Variants in NRDC observed in about 807,000 individuals in gnomAD.
NRDC encodes nardilysin.
Under a neutral mutation model 147.1 loss-of-function variants are expected in NRDC, and 54 were observed. The observed-to-expected ratio is 0.37, with a 90% CI of 0.29 to 0.46. The LOEUF (loss-of-function observed/expected upper bound fraction) is 0.46, where lower values mean the gene tolerates loss of function less well. Among genes scored for constraint, NRDC ranks in the 20% least tolerant of loss-of-function variants. The pLI is 1.00. For missense variants in NRDC, 1,082 were observed against 1,370.6 expected, an observed-to-expected ratio of 0.79 and a Z score of 3.33; for synonymous variants, 440 against 482.1, an observed-to-expected ratio of 0.91 and a Z score of 1.14.
intron 1 of NRDC, among the ~76,000 whole-genome samples, chr1:51,853,403 A>G (rs571410842): frequency 6.6e-6 from 1 of 152,078 alleles, no homozygotes; most frequent in African/African-American, 2.4e-5. Flanking sequence ...CTCTCTAAAC[A>G]TGTCAGAAAT....
intron 15 of NRDC, among the ~76,000 whole-genome samples, chr1:51,811,483 A>G (rs1455581069): frequency 6.6e-6 from 1 of 152,238 alleles, no homozygotes; most frequent in South Asian, 2.1e-4. Flanking sequence ...GCTAGCCTGT[A>G]TGAAACAAAA....
intron 1 of NRDC, among the ~76,000 whole-genome samples, chr1:51,856,752 GAGGAGGGTCTTATAACTCCCA>G (rs1332121564): frequency 6.6e-6 from 1 of 152,062 alleles, no homozygotes; most frequent in African/African-American, 2.4e-5. Flanking sequence ...GACGCCCTCT[GAGGAGGGTCTTATAACTCCCA>G]ATCAGAAAGG....
chr1:51,824,951 C>T (rs1005649173), intron 6 of NRDC, among the ~76,000 whole-genome samples: 24 of 152,160 alleles, frequency 1.6e-4, no homozygotes, highest in African/African-American at 5.6e-4. Context: ...CCACGCCTGG[C>T]CTAAACCTGT....
At chr1:51,846,743 T>C (rs190149143) in intron 1 of NRDC, among the ~76,000 whole-genome samples, 1 of 152,238 alleles carries the variant, frequency 6.6e-6, no homozygotes, top group Non-Finnish European at 1.5e-5. Context: ...AAGTGGGTTA[T>C]CACCCCAGGA....
intron 1 of NRDC, among the ~76,000 whole-genome samples, chr1:51,873,358 C>T (rs1489583333): frequency 6.6e-6 from 1 of 152,124 alleles, no homozygotes; most frequent in Non-Finnish European, 1.5e-5. Flanking sequence ...CTGTTCCACT[C>T]ACTGGAATTG....
intron 1 of NRDC, among the ~76,000 whole-genome samples, chr1:51,868,679 G>A (rs1273842366): frequency 6.6e-6 from 1 of 151,926 alleles, no homozygotes; most frequent in African/African-American, 2.4e-5. Flanking sequence ...CCAGGAATTC[G>A]AGACCAGGCT....
chr1:51,802,708 G>T (rs1202946603), intron 20 of NRDC, among the ~76,000 whole-genome samples: 2 of 152,138 alleles, frequency 1.3e-5, no homozygotes, highest in Non-Finnish European at 2.9e-5. Context: ...GATGGAGAAG[G>T]GAAAAGGCAT....
intron 22 of NRDC, 200 bp from the exon 23 acceptor site, chr1:51,795,054 T>TA: frequency 6.8e-7 from 1 of 1,466,464 alleles, no homozygotes; most frequent in Non-Finnish European, 9.1e-7. Context: ...AAGCAGCTCT[T>TA]AACTGTTCTG....
At chr1:51,823,056 A>G (rs982179071) in intron 7 of NRDC, among the ~76,000 whole-genome samples, 1 of 152,244 alleles carries the variant, frequency 6.6e-6, no homozygotes, top group African/African-American at 2.4e-5. Flanking sequence ...AAAGAAAACA[A>G]AAGAAAGCTT....
In NRDC at chr1:51,861,822, G is replaced by A. The variant is rs982910537; in HGVS notation, c.341+16453C>T. On this transcript the variant is annotated intron_variant, in intron 1 of 30. Transcript: ENST00000352171. Reference sequence around the variant, plus strand: ...CAAACATTGGTCATAAACCATTTTCGCATTTAGAACATTCGCCACACACAC... The same window carrying A: ...CAAACATTGGTCATAAACCATTTTCACATTTAGAACATTCGCCACACACAC... Among the ~76,000 whole-genome samples the A allele has an allele frequency of 5.3e-5, 8 of 152,178 alleles. No homozygotes were observed. In the South Asian group the frequency reaches 8.3e-4, roughly 16 times the overall value.
At chr1:51,818,814 A>G (rs1047471852) in intron 9 of NRDC, among the ~76,000 whole-genome samples, 3 of 152,184 alleles carry the variant, frequency 2.0e-5, no homozygotes, top group Non-Finnish European at 4.4e-5. Flanking sequence ...TAGAATAAAG[A>G]GAGATGGTGA....
intron 1 of NRDC, among the ~76,000 whole-genome samples, chr1:51,859,119 GC>G (rs1682405487): frequency 6.6e-6 from 1 of 152,160 alleles, no homozygotes; most frequent in African/African-American, 2.4e-5. Context: ...ATTTAAGGTT[GC>G]CTAGCTAACA....
chr1:51,851,742 T>C (rs1260976201), intron 1 of NRDC, among the ~76,000 whole-genome samples: 3 of 152,134 alleles, frequency 2.0e-5, no homozygotes, highest in Admixed American at 2.0e-4. Flanking sequence ...GGACACTTAA[T>C]AGTGTCATGA....
intron 1 of NRDC, among the ~76,000 whole-genome samples, chr1:51,866,868 T>C (rs1035745914): frequency 2.0e-5 from 3 of 152,084 alleles, no homozygotes; most frequent in Non-Finnish European, 4.4e-5. Context: ...TGGTTAACAC[T>C]GAAAAAAGAA....
chr1:51,855,938 T>C (rs745724332), intron 1 of NRDC, among the ~76,000 whole-genome samples: 1 of 151,754 alleles, frequency 6.6e-6, no homozygotes, highest in Non-Finnish European at 1.5e-5. Flanking sequence ...AGATGTCAAA[T>C]AAAATGATGC....
intron 24 of NRDC, among the ~76,000 whole-genome samples, chr1:51,792,888 C>G (rs1403004506): frequency 6.6e-6 from 1 of 152,224 alleles, no homozygotes; most frequent in Non-Finnish European, 1.5e-5. Flanking sequence ...AAAAATACTT[C>G]AGAGAAAGAA....
intron 1 of NRDC, among the ~76,000 whole-genome samples, chr1:51,858,123 T>C (rs967799030): frequency 5.3e-5 from 8 of 152,182 alleles, no homozygotes; most frequent in Non-Finnish European, 7.3e-5. Flanking sequence ...AGGATGCCTA[T>C]TGATGTGCAG....
chr1:51,826,009 T>C (rs1680428735), intron 5 of NRDC, among the ~76,000 whole-genome samples: 1 of 152,228 alleles, frequency 6.6e-6, no homozygotes, highest in African/African-American at 2.4e-5. Flanking sequence ...TTGCCCCTTC[T>C]GCTGTATGAG....
intron 24 of NRDC, 31 bp downstream of exon 24, chr1:51,794,441 C>T: frequency 6.2e-7 from 1 of 1,608,788 alleles, no homozygotes; most frequent in South Asian, 1.1e-5. Context: ...GGCACTGGGC[C>T]TTCCGCCAGT....
Sources: allele counts gnomAD v4.1 joint callset (sites outside exome capture counted in the v4.1 genomes callset), GRCh38; gene constraint gnomAD v4.1.1; transcripts MANE v1.5; gene names NCBI Gene and HGNC (gene_info 2026-07-23, HGNC 2026-07-21).